Variants in ENTPD1 observed in about 807,000 individuals in gnomAD.
ENTPD1 encodes ectonucleoside triphosphate diphosphohydrolase 1.
Under a neutral mutation model 57.0 loss-of-function variants are expected in ENTPD1, and 33 were observed. That is an observed-to-expected ratio of 0.58 (90% confidence interval 0.44 to 0.77). ENTPD1 has a LOEUF of 0.77. Ranked by LOEUF, ENTPD1 falls within the 30% of genes least tolerant of loss-of-function variation. The pLI is 0.00. For missense variants in ENTPD1, 501 were observed against 603.4 expected, an observed-to-expected ratio of 0.83 and a Z score of 1.78; for synonymous variants, 202 against 218.8, an observed-to-expected ratio of 0.92 and a Z score of 0.68.
chr10:95,845,683 G>C (rs1325205186), intron 6 of ENTPD1, 87 bp downstream of exon 6: 2 of 1,610,638 alleles, frequency 1.2e-6, no homozygotes, highest in Non-Finnish European at 1.7e-6. Context: ...AAATTCAGTA[G>C]TTTGTCTGAA....
chr10:95,815,314 C>T (rs982427204), intron 1 of ENTPD1, among the ~76,000 whole-genome samples: 4 of 152,144 alleles, frequency 2.6e-5, no homozygotes, highest in African/African-American at 9.7e-5. Context: ...TGTTCTGCCA[C>T]GTGCAAGGTG....
chr10:95,809,235 G>A (rs1302793784), intron 1 of ENTPD1, among the ~76,000 whole-genome samples: 1 of 152,188 alleles, frequency 6.6e-6, no homozygotes, highest in Non-Finnish European at 1.5e-5. Context: ...TGAGTTATTG[G>A]GTACACCTCC....
At chr10:95,699,402 G>C in the ENTPD1 span, among the ~76,000 whole-genome samples, 7 of 152,100 alleles carry the variant, frequency 4.6e-5, no homozygotes, top group African/African-American at 1.7e-4. Context: ...CTAAGTTCAG[G>C]AGTTAAAGAC....
the ENTPD1 span, among the ~76,000 whole-genome samples, chr10:95,703,199 A>G: frequency 6.6e-6 from 1 of 152,212 alleles, no homozygotes; most frequent in African/African-American, 2.4e-5. Flanking sequence ...AAGATAAGAT[A>G]AAAATGTATT....
chr10:95,695,713 A>G, the ENTPD1 span, among the ~76,000 whole-genome samples: 3 of 152,220 alleles, frequency 2.0e-5, no homozygotes, highest in East Asian at 1.9e-4. Context: ...GATCATATGT[A>G]TATACTAGAA....
At position 95,867,603 on chromosome 10, in the gene ENTPD1, G is replaced by A. The variant is rs2098475882; in HGVS notation, c.*1220G>A. ...AGTGTTGCCACCCGTCACACAACAT[G>A]GGCTTTGTTTGCTTATTCCATGAAG... On this transcript the variant is annotated 3_prime_UTR_variant, in exon 10 of 10. Transcript: ENST00000371205. 3.0e-6 allele frequency: 3 copies of A among 985,420 alleles called. No individual in the cohort carries two copies. Among genetic ancestry groups the A allele is most frequent in the South Asian group, 9.4e-5 (2 of 21,290 alleles). The allele number at this position is 985,420 out of a possible 1,614,324, so 61.0% of individuals were successfully genotyped here. A position where few individuals can be genotyped will look rare whatever the true frequency, so the allele number is the denominator to read the frequency against.
intron 1 of ENTPD1, among the ~76,000 whole-genome samples, chr10:95,804,638 A>C (rs2098264702): frequency 6.6e-6 from 1 of 152,192 alleles, no homozygotes; most frequent in Non-Finnish European, 1.5e-5. Flanking sequence ...GCAAACAGGG[A>C]CAATTTGACT....
At chr10:95,795,844 C>G (rs1198788077) in intron 1 of ENTPD1, among the ~76,000 whole-genome samples, 2 of 152,134 alleles carry the variant, frequency 1.3e-5, no homozygotes, top group Non-Finnish European at 2.9e-5. Context: ...GACCAATGAC[C>G]AGCTGAGTGT....
At chr10:95,706,495 C>T in the ENTPD1 span, among the ~76,000 whole-genome samples, 1 of 152,166 alleles carries the variant, frequency 6.6e-6, no homozygotes, top group Admixed American at 6.5e-5. Context: ...CTCCTCTCTG[C>T]CCGCTGGTCG....
At chr10:95,839,942 G>C (rs938023410) in intron 3 of ENTPD1, 134 bp downstream of exon 3, 16 of 819,594 alleles carry the variant, frequency 2.0e-5, no homozygotes, top group Non-Finnish European at 2.0e-6. Context: ...TGCAGCTGCT[G>C]TTGTTATGTT....
intron 1 of ENTPD1, among the ~76,000 whole-genome samples, chr10:95,714,819 G>A (rs2097969722): frequency 6.6e-6 from 1 of 151,874 alleles, no homozygotes; most frequent in Non-Finnish European, 1.5e-5. Flanking sequence ...TACAACAGCA[G>A]CAGCAACAAC....
intron 1 of ENTPD1, among the ~76,000 whole-genome samples, chr10:95,765,410 A>G (rs1242748126): frequency 6.6e-6 from 1 of 152,182 alleles, no homozygotes; most frequent in Admixed American, 6.5e-5. Flanking sequence ...GTGTGTGAAT[A>G]TCTAGTTGTT....
At chr10:95,846,091 T>C in intron 6 of ENTPD1, 1 of 178,082 alleles carries the variant, frequency 5.6e-6, no homozygotes, top group Admixed American at 5.6e-5. Context: ...AGATGCCTTC[T>C]GCATTTTGAA....
chr10:95,867,950 C>G lies in ENTPD1; in HGVS notation c.*1567C>G. 1.0e-6 allele frequency: 1 copy of G among 985,472 alleles called. No homozygotes were observed. 61.0% of individuals were successfully genotyped at this position (985,472 alleles called of 1,614,324 possible). On this transcript the variant is annotated 3_prime_UTR_variant, in exon 10 of 10. Transcript: ENST00000371205. ...TTTTCTGCTACTTAGGTTAAATTCA[C>G]TAGATCTTGATTAGGAATCAAAATT...
chr10:95,700,386 A>G, the ENTPD1 span, among the ~76,000 whole-genome samples: 1 of 152,214 alleles, frequency 6.6e-6, no homozygotes, highest in East Asian at 1.9e-4. Context: ...TAAATTGGTT[A>G]AGGAAATATT....
At chr10:95,813,364 G>A (rs1232839129) in intron 1 of ENTPD1, among the ~76,000 whole-genome samples, 2 of 152,200 alleles carry the variant, frequency 1.3e-5, no homozygotes, top group Non-Finnish European at 2.9e-5. Context: ...AAATGGTGGT[G>A]ACCTTAGGTG....
rs541663786 is a variant in ENTPD1 at position 95,798,201 on chromosome 10, C to G, written c.17-25036C>G. Among the ~76,000 whole-genome samples, 11 of 152,208 alleles carry G rather than the reference C, an allele frequency of 7.2e-5. No homozygotes were observed. The South Asian group carries it at 2.3e-3, about 32-fold the overall frequency. ...AAGAAATGTAGATACTGAGATGTGTCCACTGGATTTGGCACTATGAGGTTG... is the reference window on the plus strand; with the variant it reads ...AAGAAATGTAGATACTGAGATGTGTGCACTGGATTTGGCACTATGAGGTTG... On this transcript the variant is annotated intron_variant, in intron 1 of 9. Transcript: ENST00000371205.
chr10:95,762,390 G>GT (rs5787157), intron 1 of ENTPD1, among the ~76,000 whole-genome samples: 1,357 of 134,618 alleles, frequency 0.01, 9 homozygotes, highest in African/African-American at 0.025. Flanking sequence ...TTTCCTGGCA[G>GT]TTTTTTTTTT....
intron 1 of ENTPD1, among the ~76,000 whole-genome samples, chr10:95,797,058 G>GCAAGT (rs1312025973): frequency 1.3e-5 from 2 of 152,036 alleles, no homozygotes; most frequent in Non-Finnish European, 2.9e-5. Flanking sequence ...GGGTTACAGA[G>GCAAGT]CAAGACTCTA....
Sources: gnomAD v4.1 joint callset for allele counts (sites outside exome capture counted in the v4.1 genomes callset) on GRCh38, gnomAD v4.1.1 for gene constraint, MANE v1.5 for transcripts, NCBI Gene and HGNC (gene_info 2026-07-23, HGNC 2026-07-21) for gene names.